The following ZMAT3 variants were observed in gnomAD, a reference collection of about 807,000 sequenced individuals.
The protein encoded by ZMAT3 is zinc finger matrin-type 3, also known as zinc finger matrin-type protein 3.
A neutral mutation model predicts 32.3 loss-of-function variants in ZMAT3; 17 were observed. That is an observed-to-expected ratio of 0.53 (90% CI 0.36 to 0.79). The LOEUF is 0.79. ZMAT3 is among the 30% of genes least tolerant of loss of function. ZMAT3 has a pLI of 0.00. For missense variants in ZMAT3, 329 were observed against 359.7 expected, an observed-to-expected ratio of 0.91 and a Z score of 0.69; for synonymous variants, 120 against 133.1, an observed-to-expected ratio of 0.90 and a Z score of 0.68.
intron 2 of ZMAT3, among the ~76,000 whole-genome samples, chr3:179,040,826 A>G (rs1383121593): frequency 6.6e-6 from 1 of 151,828 alleles, no homozygotes; most frequent in Admixed American, 6.6e-5. Flanking sequence ...TATTCAGGAG[A>G]CCCATCTCAT....
chr3:179,045,194 T>C (rs1419112329), intron 2 of ZMAT3, among the ~76,000 whole-genome samples: 4 of 151,926 alleles, frequency 2.6e-5, no homozygotes, highest in Admixed American at 1.3e-4. Context: ...TGAAATAAGA[T>C]AAAAACCAGA....
chr3:179,051,674 C>T (rs1359906065), intron 2 of ZMAT3, among the ~76,000 whole-genome samples: 2 of 151,986 alleles, frequency 1.3e-5, no homozygotes, highest in South Asian at 4.1e-4. Flanking sequence ...CTTCACAGAA[C>T]TAGAAAAAAA....
intron 2 of ZMAT3, among the ~76,000 whole-genome samples, chr3:179,052,714 A>G (rs1046264957): frequency 6.6e-6 from 1 of 152,222 alleles, no homozygotes; most frequent in Non-Finnish European, 1.5e-5. Context: ...TTATACCAGC[A>G]CAATTTGCAA....
intron 2 of ZMAT3, among the ~76,000 whole-genome samples, chr3:179,040,060 C>A (rs1238676507): frequency 6.6e-6 from 1 of 152,116 alleles, no homozygotes; most frequent in African/African-American, 2.4e-5. Flanking sequence ...TGAACAAAGC[C>A]TCCAAGAAAT....
chr3:179,059,175 A>G (rs1721022068), intron 2 of ZMAT3, among the ~76,000 whole-genome samples: 1 of 152,164 alleles, frequency 6.6e-6, no homozygotes, highest in South Asian at 2.1e-4. Flanking sequence ...AAGAGCTTCA[A>G]TGCAGGACCC....
At position 179,024,874 on chromosome 3, in the gene ZMAT3, A is replaced by G; in HGVS notation, c.*143T>C. 1 of 543,428 alleles carries G rather than the reference A, an allele frequency of 1.8e-6. No homozygotes were observed. The highest frequency in any genetic ancestry group is 3.2e-6 in the Non-Finnish European group (1 of 313,966). The allele number at this position is 543,428 out of a possible 1,614,324, so 33.7% of individuals were successfully genotyped here. A position where few individuals can be genotyped will look rare whatever the true frequency, so the allele number is the denominator to read the frequency against. On this transcript the variant is annotated 3_prime_UTR_variant, in exon 6 of 6. Coordinates refer to ENST00000311417, the MANE Select transcript of ZMAT3 (RefSeq NM_022470.4). ...CCCGCCCCCGGGCCCCCAGGTTTTGACATCTCATGGTACCACTGTGGGTTA... is the reference window on the plus strand; with the variant it reads ...CCCGCCCCCGGGCCCCCAGGTTTTGGCATCTCATGGTACCACTGTGGGTTA...
chr3:179,043,574 A>C (rs895081878), intron 2 of ZMAT3, among the ~76,000 whole-genome samples: 1 of 152,236 alleles, frequency 6.6e-6, no homozygotes, highest in African/African-American at 2.4e-5. Flanking sequence ...AAATTAATTC[A>C]AGATGGATTA....
In ZMAT3 at chr3:179,023,101, A is replaced by G. The variant is rs1316708328; in HGVS notation, c.*1916T>C. ...CATATAAAATATAGTAAATAGATAA[A>G]ATGTAGTTAATGAATATTCACAGAG... On this transcript the variant is annotated 3_prime_UTR_variant, in exon 6 of 6. Coordinates refer to ENST00000311417, the MANE Select transcript of ZMAT3 (RefSeq NM_022470.4). 1 of 152,108 alleles carries G rather than the reference A, an allele frequency of 6.6e-6. No individual in the cohort carries two copies. Among genetic ancestry groups the G allele is most frequent in the Non-Finnish European group, 1.5e-5 (1 of 68,026 alleles). The allele number at this position is 152,108 out of a possible 1,614,324, so 9.4% of individuals were successfully genotyped here.
intron 2 of ZMAT3, among the ~76,000 whole-genome samples, chr3:179,051,138 GCAAT>G (rs369566852): frequency 1.8e-4 from 27 of 152,240 alleles, no homozygotes; most frequent in African/African-American, 6.5e-4. Context: ...CCTAGCCAGA[GCAAT>G]CAGACAAGAG....
At chr3:179,051,687 T>C (rs1175760563) in intron 2 of ZMAT3, among the ~76,000 whole-genome samples, 1 of 151,958 alleles carries the variant, frequency 6.6e-6, no homozygotes, top group Admixed American at 6.6e-5. Flanking sequence ...GAAAAAAATT[T>C]ATATGGAACC....
Position 179,067,708 on chromosome 3 carries a change from G to A in ZMAT3, c.45C>T (p.Pro15=), listed in dbSNP as rs374031199. 1.2e-6 allele frequency: 2 copies of A among 1,614,166 alleles called. No individual in the cohort carries two copies. Among genetic ancestry groups the A allele is most frequent in the South Asian group, 1.1e-5 (1 of 91,076 alleles). The change falls in exon 2 of 6, where the codon CCC becomes CCT. Residue 15 remains proline (P), a synonymous_variant. Transcript: ENST00000311417. ...QHAVLPPPKQ[P]SPSPPMSVAT... ...CCACTGACATAGGAGGCGAGGGTGA[G>A]GGCTGCTTAGGTGGAGGAAGCACGG...
intron 1 of ZMAT3, 54 bp from the exon 2 acceptor site, chr3:179,067,863 A>G: frequency 6.8e-7 from 1 of 1,463,214 alleles, no homozygotes; most frequent in Non-Finnish European, 9.2e-7. Flanking sequence ...ATCAGACTTC[A>G]GCAAGATAAC....
Position 179,024,858 on chromosome 3 carries a change from G to T in ZMAT3, c.*159C>A. ...ACCCACCTCCCCCCGCCCCGCCCCC[G>T]GGCCCCCAGGTTTTGACATCTCATG... On this transcript the variant is annotated 3_prime_UTR_variant, in exon 6 of 6. Coordinates refer to ENST00000311417, the MANE Select transcript of ZMAT3 (RefSeq NM_022470.4). The T allele has an allele frequency of 8.8e-6, 3 of 342,416 alleles. No individual in the cohort carries two copies. The highest frequency in any genetic ancestry group is 2.2e-5 in the African/African-American group (1 of 45,022). The allele number at this position is 342,416 out of a possible 1,614,324, so 21.2% of individuals were successfully genotyped here.
Position 179,018,337 on chromosome 3 carries a change from G to A in ZMAT3, c.*6680C>T, listed in dbSNP as rs1028035569. On this transcript the variant is annotated 3_prime_UTR_variant, in exon 6 of 6. Coordinates refer to ENST00000311417, the MANE Select transcript of ZMAT3 (RefSeq NM_022470.4). ...CAAAATGCAAAAACATCCAATAAATGTTGCATTATTAGTATTCAACAGTGC... is the reference window on the plus strand; with the variant it reads ...CAAAATGCAAAAACATCCAATAAATATTGCATTATTAGTATTCAACAGTGC... 3 of 152,004 alleles carry A rather than the reference G, an allele frequency of 2.0e-5. No individual in the cohort carries two copies. The highest frequency in any genetic ancestry group is 4.4e-5 in the Non-Finnish European group (3 of 67,992). 9.4% of individuals were successfully genotyped at this position (152,004 alleles called of 1,614,324 possible).
intron 5 of ZMAT3, among the ~76,000 whole-genome samples, chr3:179,026,366 A>G (rs998595769): frequency 6.8e-6 from 1 of 147,786 alleles, no homozygotes; most frequent in South Asian, 2.1e-4. Flanking sequence ...TTTCTTAATC[A>G]TAATGAATTG....
At position 179,023,710 on chromosome 3, in the gene ZMAT3, A is replaced by ATATATTTATATTTTTTTTTT. The variant is rs1553798348; in HGVS notation, c.*1306_*1307insAAAAAAAAAATATAAATATA. 4.0e-5 allele frequency: 1 copy of ATATATTTATATTTTTTTTTT among 25,072 alleles called. No homozygotes were observed. Among genetic ancestry groups the ATATATTTATATTTTTTTTTT allele is most frequent in the African/African-American group, 2.7e-4 (1 of 3,680 alleles). 1.6% of individuals were successfully genotyped at this position (25,072 alleles called of 1,614,324 possible). A position where few individuals can be genotyped will look rare whatever the true frequency, so the allele number is the denominator to read the frequency against. ...GGAAAATATATCTATATATATATATATTTTTTTTTTTTTTTTTTTTTTTTT... is the reference window on the plus strand; with the variant it reads ...GGAAAATATATCTATATATATATATATATATTTATATTTTTTTTTTTTTTTTTTTTTTTTTTTTTTTTTTT... On this transcript the variant is annotated 3_prime_UTR_variant, in exon 6 of 6. Coordinates refer to ENST00000311417, the MANE Select transcript of ZMAT3 (RefSeq NM_022470.4).
chr3:179,050,607 A>C (rs2108569372), intron 2 of ZMAT3, among the ~76,000 whole-genome samples: 1 of 152,348 alleles, frequency 6.6e-6, no homozygotes, highest in South Asian at 2.1e-4. Context: ...AATCCTCCCG[A>C]AATCATTCTA....
At chr3:179,031,663 T>C (rs1576840950) in intron 2 of ZMAT3, among the ~76,000 whole-genome samples, 1 of 151,994 alleles carries the variant, frequency 6.6e-6, no homozygotes, top group South Asian at 2.1e-4. Flanking sequence ...TCTCAGCACT[T>C]TGGGAGGCCA....
intron 2 of ZMAT3, among the ~76,000 whole-genome samples, chr3:179,051,883 G>A (rs149085228): frequency 3.7e-4 from 57 of 152,078 alleles, no homozygotes; most frequent in South Asian, 6.2e-4. Context: ...AAATACTTAC[G>A]GTCAACTGAT....
Sources: gnomAD v4.1 joint callset for allele counts (sites outside exome capture counted in the v4.1 genomes callset) on GRCh38, gnomAD v4.1.1 for gene constraint, MANE v1.5 for transcripts, NCBI Gene and HGNC (gene_info 2026-07-23, HGNC 2026-07-21) for gene names.